BTBD9: variants seen among roughly 807,000 people sequenced by gnomAD.
The protein encoded by BTBD9 is BTB domain containing 9.
A neutral mutation model predicts 64.3 loss-of-function variants in BTBD9; 49 were observed. The ratio of observed to expected loss-of-function variants is 0.76; its 90% confidence interval spans 0.61 to 0.97. The LOEUF is 0.97. Ranked by LOEUF, BTBD9 falls within the 50% of genes least tolerant of loss-of-function variation. BTBD9 has a pLI of 0.00. For synonymous variants in BTBD9, 260 were observed against 274.7 expected (o/e 0.95, Z 0.53); for missense variants, 598 against 762.1 (o/e 0.78, Z 2.53).
chr6:38,522,128 C>T (rs1773295666), intron 6 of BTBD9, among the ~76,000 whole-genome samples: 2 of 152,170 alleles, frequency 1.3e-5, no homozygotes, highest in South Asian at 2.1e-4. Flanking sequence ...TTATCCTTCC[C>T]ATCTGCTCCA....
chr6:38,603,514 GA>G (rs1445044059), intron 1 of BTBD9, among the ~76,000 whole-genome samples: 1 of 152,182 alleles, frequency 6.6e-6, no homozygotes, highest in African/African-American at 2.4e-5. Context: ...CCTTAAGGGG[GA>G]AAAAACCAAG....
chr6:38,427,372 C>A (rs905951788), intron 6 of BTBD9, among the ~76,000 whole-genome samples: 7 of 151,882 alleles, frequency 4.6e-5, no homozygotes, highest in Admixed American at 4.6e-4. Flanking sequence ...GCACCCCAGA[C>A]CAATTTCATT....
chr6:38,588,205 G>A (rs968664642), intron 4 of BTBD9: 1 of 856,188 alleles, frequency 1.2e-6, no homozygotes. Flanking sequence ...CAGTTCCAAG[G>A]ATATGGCCAG....
chr6:38,252,024 A>G (rs1764420959), intron 9 of BTBD9, among the ~76,000 whole-genome samples: 1 of 152,320 alleles, frequency 6.6e-6, no homozygotes, highest in East Asian at 1.9e-4. Context: ...GGAGTTATCT[A>G]TAATAGAAAA....
intron 6 of BTBD9, among the ~76,000 whole-genome samples, chr6:38,460,950 G>A (rs1582466326): frequency 6.6e-6 from 1 of 152,232 alleles, no homozygotes; most frequent in East Asian, 1.9e-4. Context: ...TTAAAGGCTG[G>A]ATAACTTAGT....
chr6:38,361,753 T>C (rs924728351), intron 6 of BTBD9, among the ~76,000 whole-genome samples: 4 of 151,940 alleles, frequency 2.6e-5, no homozygotes, highest in African/African-American at 9.7e-5. Flanking sequence ...GGCAAGAGAA[T>C]TGCTTGAACC....
At chr6:38,294,237 A>G (rs1264791625) in intron 7 of BTBD9, among the ~76,000 whole-genome samples, 4 of 152,236 alleles carry the variant, frequency 2.6e-5, no homozygotes, top group Non-Finnish European at 5.9e-5. Flanking sequence ...AAACTAGTTC[A>G]ACCATTGTGG....
chr6:38,234,072 C>G (rs1375366505), intron 9 of BTBD9, among the ~76,000 whole-genome samples: 1 of 152,214 alleles, frequency 6.6e-6, no homozygotes, highest in African/African-American at 2.4e-5. Flanking sequence ...GAAAAGGATT[C>G]CAGTCACGAG....
At chr6:38,492,634 T>C (rs575606333) in intron 6 of BTBD9, among the ~76,000 whole-genome samples, 18 of 152,238 alleles carry the variant, frequency 1.2e-4, no homozygotes, top group Admixed American at 4.6e-4. Context: ...AATTATTTGT[T>C]TTAATCAACT....
rs974568138 is a variant in BTBD9, at chr6:38,171,965, G to A, written c.*3020C>T. 1.3e-5 allele frequency: 2 copies of A among 151,400 alleles called. No homozygotes were observed. Among genetic ancestry groups the A allele is most frequent in the Admixed American group, 1.3e-4 (2 of 15,180 alleles). The allele number at this position is 151,400 out of a possible 1,614,324, so 9.4% of individuals were successfully genotyped here. A position where few individuals can be genotyped will look rare whatever the true frequency, so the allele number is the denominator to read the frequency against. On this transcript the variant is annotated 3_prime_UTR_variant, in exon 11 of 11. Transcript: ENST00000481247. ...CTCCCATTTCTTTGCCTGGGTGGTGGTGACCATGGCGCCCTTGTGTCCTTT... is the reference window on the plus strand; with the variant it reads ...CTCCCATTTCTTTGCCTGGGTGGTGATGACCATGGCGCCCTTGTGTCCTTT...
At chr6:38,350,392 A>G (rs1764454102) in intron 6 of BTBD9, among the ~76,000 whole-genome samples, 3 of 152,174 alleles carry the variant, frequency 2.0e-5, no homozygotes, top group Non-Finnish European at 2.9e-5. Context: ...TCCAACTTTA[A>G]ACCCGTGGTA....
At chr6:38,273,923 G>A (rs1386425994) in intron 8 of BTBD9, among the ~76,000 whole-genome samples, 1 of 152,186 alleles carries the variant, frequency 6.6e-6, no homozygotes, top group African/African-American at 2.4e-5. Flanking sequence ...GCCACTTAGG[G>A]CCCAGTGGGA....
chr6:38,561,729 A>G (rs934448807), intron 6 of BTBD9, among the ~76,000 whole-genome samples: 2 of 152,182 alleles, frequency 1.3e-5, no homozygotes, highest in Non-Finnish European at 2.9e-5. Flanking sequence ...AGTGGGAGCT[A>G]AACAGTGGGT....
chr6:38,541,488 C>T (rs1289321715), intron 6 of BTBD9, among the ~76,000 whole-genome samples: 1 of 152,166 alleles, frequency 6.6e-6, no homozygotes, highest in East Asian at 1.9e-4. Context: ...CCTGTAATCC[C>T]AGCACTTTGG....
chr6:38,627,288 T>G (rs1314907451), intron 1 of BTBD9, among the ~76,000 whole-genome samples: 1 of 152,144 alleles, frequency 6.6e-6, no homozygotes, highest in African/African-American at 2.4e-5. Context: ...ATAATCCAAA[T>G]TAGCTCATTT....
At chr6:38,402,063 T>G (rs1444889513) in intron 6 of BTBD9, among the ~76,000 whole-genome samples, 5 of 151,642 alleles carry the variant, frequency 3.3e-5, no homozygotes, top group Admixed American at 3.3e-4. Context: ...AATGAAAAAA[T>G]GAAAATAAAA....
intron 6 of BTBD9, among the ~76,000 whole-genome samples, chr6:38,557,013 A>AC: frequency 1.1e-5 from 1 of 93,810 alleles, no homozygotes; most frequent in Non-Finnish European, 2.0e-5. Context: ...ACTCCATCTC[A>AC]CCAAAAAAAA....
chr6:38,371,055 G>A (rs1377804450), intron 6 of BTBD9, among the ~76,000 whole-genome samples: 1 of 152,094 alleles, frequency 6.6e-6, no homozygotes, highest in Non-Finnish European at 1.5e-5. Flanking sequence ...TTTTGTCTCT[G>A]CAACAGAACC....
At position 38,402,208 on chromosome 6, in the gene BTBD9, G is replaced by A. The variant is rs183649036; in HGVS notation, c.1155-57115C>T. ...GAAATTTTAAAAGTCCTAAATAAATGGAAAGACATTCTGTGTTCATGGATT... is the reference window on the plus strand; with the variant it reads ...GAAATTTTAAAAGTCCTAAATAAATAGAAAGACATTCTGTGTTCATGGATT... On this transcript the variant is annotated intron_variant, in intron 6 of 10. Transcript: ENST00000481247. 3.9e-5 allele frequency among the ~76,000 whole-genome samples: 6 copies of A among 152,194 alleles called. No homozygotes were observed. In the East Asian group the frequency reaches 9.6e-4, roughly 24 times the overall value.
Sources: gnomAD v4.1 joint callset for allele counts (sites outside exome capture counted in the v4.1 genomes callset) on GRCh38, gnomAD v4.1.1 for gene constraint, MANE v1.5 for transcripts, NCBI Gene and HGNC (gene_info 2026-07-23, HGNC 2026-07-21) for gene names.